The following ARIH1 variants were observed in gnomAD, a reference collection of about 807,000 sequenced individuals.
ARIH1 encodes E3 ubiquitin-protein ligase ARIH1.
A neutral mutation model predicts 85.0 loss-of-function variants in ARIH1; 8 were observed. The observed-to-expected ratio is 0.09, with a 90% CI of 0.06 to 0.17. The LOEUF (loss-of-function observed/expected upper bound fraction) is 0.17. Among genes scored for constraint, ARIH1 ranks in the 10% least tolerant of loss-of-function variants. The pLI is 1.00. For synonymous variants in ARIH1, 238 were observed against 253.6 expected (o/e 0.94, Z 0.59); for missense variants, 311 against 718.1 (o/e 0.43, Z 6.48).
chr15:72,486,605 T>C (rs1399849856), intron 1 of ARIH1, among the ~76,000 whole-genome samples: 3 of 151,966 alleles, frequency 2.0e-5, no homozygotes, highest in African/African-American at 7.2e-5. Flanking sequence ...AGAAGGTGGC[T>C]TAAAAAATTC....
chr15:72,574,862 G>A (rs2064262881), intron 11 of ARIH1, among the ~76,000 whole-genome samples: 1 of 151,616 alleles, frequency 6.6e-6, no homozygotes, highest in African/African-American at 2.4e-5. Context: ...TTGAGGCCAG[G>A]AGTTCAAGAC....
intron 1 of ARIH1, among the ~76,000 whole-genome samples, chr15:72,502,905 A>G (rs775493323): frequency 3.9e-5 from 6 of 152,210 alleles, no homozygotes; most frequent in Non-Finnish European, 7.3e-5. Context: ...TCTCAAGAAT[A>G]TTATCCTCAA....
chr15:72,581,303 A>G (rs1234184313), intron 12 of ARIH1, among the ~76,000 whole-genome samples: 2 of 152,162 alleles, frequency 1.3e-5, no homozygotes, highest in African/African-American at 2.4e-5. Context: ...TCCATTTTAA[A>G]GTGAGGATAG....
intron 7 of ARIH1, among the ~76,000 whole-genome samples, chr15:72,563,770 A>T (rs2064207213): frequency 6.6e-6 from 1 of 152,000 alleles, no homozygotes. Flanking sequence ...TGTATGCTCC[A>T]CTGTAACTTA....
At chr15:72,513,023 A>C (rs1668204878) in intron 1 of ARIH1, among the ~76,000 whole-genome samples, 1 of 151,850 alleles carries the variant, frequency 6.6e-6, no homozygotes. Flanking sequence ...CCATCTTTTT[A>C]CTTTTAATCT....
chr15:72,555,189 T>C (rs1255210866), intron 3 of ARIH1, 82 bp from the exon 4 acceptor site: 1 of 1,006,928 alleles, frequency 9.9e-7, no homozygotes, highest in African/African-American at 1.6e-5. Flanking sequence ...AAATGTGACC[T>C]TACAGAGCCC....
At chr15:72,481,062 C>T (rs1232148624) in intron 1 of ARIH1, among the ~76,000 whole-genome samples, 1 of 152,184 alleles carries the variant, frequency 6.6e-6, no homozygotes, top group Non-Finnish European at 1.5e-5. Context: ...AGAGGGTGTA[C>T]AAGCCTGTGC....
At chr15:72,495,344 T>C (rs2063875700) in intron 1 of ARIH1, among the ~76,000 whole-genome samples, 1 of 152,144 alleles carries the variant, frequency 6.6e-6, no homozygotes. Context: ...TGAACTACTT[T>C]TGAGAGTTAA....
At chr15:72,493,177 C>G (rs957351329) in intron 1 of ARIH1, among the ~76,000 whole-genome samples, 4 of 152,070 alleles carry the variant, frequency 2.6e-5, no homozygotes, top group African/African-American at 9.7e-5. Flanking sequence ...CTGGTTCTAA[C>G]CCTTCTCATG....
At chr15:72,560,494 A>G (rs1464969045) in intron 5 of ARIH1, among the ~76,000 whole-genome samples, 2 of 152,232 alleles carry the variant, frequency 1.3e-5, no homozygotes, top group Non-Finnish European at 2.9e-5. Context: ...TGGAGAGTTC[A>G]AAGAATTTAC....
chr15:72,571,629 G>C (rs2064247723), intron 10 of ARIH1, among the ~76,000 whole-genome samples: 1 of 152,104 alleles, frequency 6.6e-6, no homozygotes, highest in African/African-American at 2.4e-5. Flanking sequence ...GCTGTCAACT[G>C]TTGGTTCTCT....
At chr15:72,490,165 C>T (rs2063853338) in intron 1 of ARIH1, among the ~76,000 whole-genome samples, 1 of 151,072 alleles carries the variant, frequency 6.6e-6, no homozygotes, top group Admixed American at 6.6e-5. Context: ...GAGTTTGAGA[C>T]CAGCCTGGGC....
intron 1 of ARIH1, among the ~76,000 whole-genome samples, chr15:72,516,280 TTAA>T (rs2063974719): frequency 6.6e-6 from 1 of 152,186 alleles, no homozygotes; most frequent in Non-Finnish European, 1.5e-5. Context: ...GCAATTTTAG[TTAA>T]TAACAGGAGA....
At chr15:72,519,475 GTTTTTTTTTTTTTT>G (rs150165121) in intron 2 of ARIH1, among the ~76,000 whole-genome samples, 3 of 62,574 alleles carry the variant, frequency 4.8e-5, no homozygotes, top group East Asian at 4.9e-4. Context: ...TGTTTTTTTT[GTTTTTTTTTTTTTT>G]TTTTTTTTTT....
At chr15:72,477,141 C>T (rs2063798107) in intron 1 of ARIH1, among the ~76,000 whole-genome samples, 1 of 152,124 alleles carries the variant, frequency 6.6e-6, no homozygotes, top group South Asian at 2.1e-4. Flanking sequence ...TGCTAGTTTT[C>T]CCAACCAGTG....
At chr15:72,527,022 C>G (rs1279031587) in intron 2 of ARIH1, among the ~76,000 whole-genome samples, 3 of 152,138 alleles carry the variant, frequency 2.0e-5, no homozygotes, top group Non-Finnish European at 4.4e-5. Context: ...GTCAAGTCTT[C>G]CATCTGGGTT....
intron 1 of ARIH1, among the ~76,000 whole-genome samples, chr15:72,515,261 C>T (rs1488821055): frequency 3.3e-5 from 5 of 151,770 alleles, no homozygotes; most frequent in African/African-American, 7.3e-5. Flanking sequence ...TGCTTGAACC[C>T]GGGAGGTGGA....
At chr15:72,580,653 G>A (rs76844811) in intron 11 of ARIH1, 78 bp from the exon 12 acceptor site, 49,991 of 1,352,398 alleles carry the variant, frequency 0.037, 1,277 homozygotes, top group East Asian at 0.13. Context: ...ACTTCATTAT[G>A]GTTTTAATTT....
At chr15:72,577,404 G>C (rs2064276536) in intron 11 of ARIH1, among the ~76,000 whole-genome samples, 1 of 152,106 alleles carries the variant, frequency 6.6e-6, no homozygotes, top group East Asian at 1.9e-4. Context: ...CGGGCCCAGT[G>C]GCTCACGCCT....
Sources: allele counts gnomAD v4.1 joint callset (sites outside exome capture counted in the v4.1 genomes callset), GRCh38; gene constraint gnomAD v4.1.1; transcripts MANE v1.5; gene names NCBI Gene and HGNC (gene_info 2026-07-23, HGNC 2026-07-21).